Variants in C12orf42 observed in about 807,000 individuals in gnomAD.
C12orf42 encodes chromosome 12 open reading frame 42.
A neutral mutation model predicts 21.6 loss-of-function variants in C12orf42; 25 were observed. That is an observed-to-expected ratio of 1.16 (90% confidence interval 0.84 to 1.62). C12orf42 has a LOEUF of 1.62. Among genes scored for constraint, C12orf42 ranks in the 40% most tolerant of loss-of-function variants. The pLI is 0.00. For synonymous variants in C12orf42, 174 were observed against 175.0 expected (o/e 0.99, Z 0.05); for missense variants, 483 against 459.3 (o/e 1.05, Z -0.47).
At chr12:103,347,542 T>C (rs2042739211) in intron 4 of C12orf42, among the ~76,000 whole-genome samples, 1 of 152,160 alleles carries the variant, frequency 6.6e-6, no homozygotes, top group African/African-American at 2.4e-5. Flanking sequence ...CAAGGTTACA[T>C]GGCAAAATTC....
intron 3 of C12orf42, among the ~76,000 whole-genome samples, chr12:103,389,560 T>C (rs1357267280): frequency 2.6e-5 from 4 of 152,238 alleles, no homozygotes; most frequent in Non-Finnish European, 5.9e-5. Flanking sequence ...ACCTTGATTG[T>C]CCAAGGACTT....
At chr12:103,275,746 T>TC (rs1319876969) in intron 5 of C12orf42, among the ~76,000 whole-genome samples, 1 of 151,970 alleles carries the variant, frequency 6.6e-6, no homozygotes, top group East Asian at 1.9e-4. Context: ...TAGGATTTTT[T>TC]TTTTTTTTTT....
intron 3 of C12orf42, among the ~76,000 whole-genome samples, chr12:103,392,206 A>C (rs903996488): frequency 2.6e-5 from 4 of 152,168 alleles, no homozygotes; most frequent in African/African-American, 9.7e-5. Context: ...TGCCAGTACC[A>C]CACTGTTTTT....
intron 2 of C12orf42, among the ~76,000 whole-genome samples, chr12:103,433,713 T>C (rs761387709): frequency 1.6e-4 from 24 of 152,216 alleles, no homozygotes; most frequent in Non-Finnish European, 2.9e-4. Flanking sequence ...TTAAGACACA[T>C]AACAATATAT....
At chr12:103,479,549 C>G (rs1425674263) in intron 1 of C12orf42, among the ~76,000 whole-genome samples, 4 of 152,092 alleles carry the variant, frequency 2.6e-5, no homozygotes, top group Non-Finnish European at 5.9e-5. Context: ...ATTTCCCCAT[C>G]AAGTATGATA....
chr12:103,205,049 A>G, the C12orf42 span, among the ~76,000 whole-genome samples: 1 of 152,212 alleles, frequency 6.6e-6, no homozygotes, highest in Non-Finnish European at 1.5e-5. Flanking sequence ...AGATAACACC[A>G]TAATGAGACA....
At chr12:103,522,837 A>G in the C12orf42 span, among the ~76,000 whole-genome samples, 1 of 152,252 alleles carries the variant, frequency 6.6e-6, no homozygotes, top group Non-Finnish European at 1.5e-5. Flanking sequence ...ATGCAAGTCC[A>G]CAATGGTTTT....
intron 4 of C12orf42, among the ~76,000 whole-genome samples, chr12:103,284,938 G>C: frequency 6.6e-6 from 1 of 152,116 alleles, no homozygotes; most frequent in East Asian, 1.9e-4. Context: ...GCTAGGCTCT[G>C]TACCTATTGT....
At chr12:103,398,076 G>C (rs527412354) in intron 3 of C12orf42, among the ~76,000 whole-genome samples, 1 of 151,980 alleles carries the variant, frequency 6.6e-6, no homozygotes, top group East Asian at 1.9e-4. Flanking sequence ...AAAATAAAAG[G>C]TGTTTGCATT....
the C12orf42 span, among the ~76,000 whole-genome samples, chr12:103,099,045 T>C: frequency 6.6e-6 from 1 of 152,242 alleles, no homozygotes; most frequent in Admixed American, 6.5e-5. Flanking sequence ...AGATATTGTT[T>C]GTCAATGACA....
At chr12:103,265,007 G>A (rs1236752337), downstream of C12orf42, among the ~76,000 whole-genome samples, 1 of 152,112 alleles carries the variant, frequency 6.6e-6, no homozygotes, top group East Asian at 1.9e-4. Context: ...AGTTCTGGAG[G>A]ATGAAAGTGT....
At chr12:103,118,237 T>C in the C12orf42 span, among the ~76,000 whole-genome samples, 1 of 152,138 alleles carries the variant, frequency 6.6e-6, no homozygotes, top group African/African-American at 2.4e-5. Context: ...TGTCTTTCTA[T>C]CTCCGGTGCC....
At chr12:103,123,652 G>A in the C12orf42 span, among the ~76,000 whole-genome samples, 1 of 152,016 alleles carries the variant, frequency 6.6e-6, no homozygotes, top group African/African-American at 2.4e-5. Flanking sequence ...AATGGATTGA[G>A]ATGTATTGAA....
chr12:103,070,050 G>T, the C12orf42 span, among the ~76,000 whole-genome samples: 1 of 152,082 alleles, frequency 6.6e-6, no homozygotes, highest in Non-Finnish European at 1.5e-5. Context: ...TCTTTTTGGT[G>T]GATTCTGAAC....
the C12orf42 span, among the ~76,000 whole-genome samples, chr12:103,218,622 T>C: frequency 6.6e-6 from 1 of 152,168 alleles, no homozygotes; most frequent in African/African-American, 2.4e-5. Flanking sequence ...AGGTGTCTAC[T>C]TTTTATTTGA....
intron 2 of C12orf42, among the ~76,000 whole-genome samples, chr12:103,444,381 G>A (rs147521035): frequency 1.7e-3 from 265 of 152,108 alleles, no homozygotes; most frequent in African/African-American, 6.2e-3. Flanking sequence ...AGTAAAATTA[G>A]AAGCATTTTA....
At chr12:103,157,910 G>T in the C12orf42 span, among the ~76,000 whole-genome samples, 383 of 152,230 alleles carry the variant, frequency 2.5e-3, 5 homozygotes, top group East Asian at 0.04. Flanking sequence ...ATGTTAAATG[G>T]TATGGAAATT....
At chr12:103,333,173 G>A (rs1170961203) in intron 4 of C12orf42, among the ~76,000 whole-genome samples, 2 of 152,208 alleles carry the variant, frequency 1.3e-5, no homozygotes, top group African/African-American at 2.4e-5. Flanking sequence ...GAAAGAGGCA[G>A]TATAATAGAG....
intron 4 of C12orf42, among the ~76,000 whole-genome samples, chr12:103,338,756 C>T (rs1392585139): frequency 6.6e-6 from 1 of 152,070 alleles, no homozygotes; most frequent in African/African-American, 2.4e-5. Context: ...GGCTGATTCC[C>T]AGGGTCACAA....
Sources: gnomAD v4.1 joint callset for allele counts (sites outside exome capture counted in the v4.1 genomes callset) on GRCh38, gnomAD v4.1.1 for gene constraint, MANE v1.5 for transcripts, NCBI Gene and HGNC (gene_info 2026-07-23, HGNC 2026-07-21) for gene names.